The following ITPR2 variants were observed in gnomAD, a reference collection of about 807,000 sequenced individuals.
The protein encoded by ITPR2 is inositol 1,4,5-trisphosphate-gated calcium channel ITPR2.
Under a neutral mutation model 317.1 loss-of-function variants are expected in ITPR2, and 207 were observed. The observed-to-expected ratio is 0.65, with a 90% CI of 0.58 to 0.73. ITPR2 has a LOEUF of 0.73. ITPR2 is among the 30% of genes least tolerant of loss of function. ITPR2 has a pLI of 0.00. For missense variants in ITPR2, 2,613 were observed against 3,284.0 expected, an observed-to-expected ratio of 0.80 and a Z score of 4.99; for synonymous variants, 1,156 against 1,149.1, an observed-to-expected ratio of 1.01 and a Z score of -0.12.
At chr12:26,482,101 A>T (rs1942555640) in intron 42 of ITPR2, among the ~76,000 whole-genome samples, 1 of 152,222 alleles carries the variant, frequency 6.6e-6, no homozygotes, top group South Asian at 2.1e-4. Context: ...CTTCAAAATG[A>T]CTGCTTTTTC....
intron 16 of ITPR2, 40 bp downstream of exon 16, chr12:26,659,073 A>C: frequency 6.6e-7 from 1 of 1,514,844 alleles, no homozygotes; most frequent in Non-Finnish European, 9.0e-7. Context: ...TAAAGCCGCA[A>C]TCTCCACTAG....
intron 22 of ITPR2, 44 bp downstream of exon 22, chr12:26,631,822 G>A: frequency 6.4e-7 from 1 of 1,555,026 alleles, no homozygotes; most frequent in South Asian, 1.1e-5. Flanking sequence ...AAATCAATAA[G>A]CAAAATTACA....
intron 2 of ITPR2, among the ~76,000 whole-genome samples, chr12:26,787,733 G>A (rs976767350): frequency 6.6e-6 from 1 of 152,136 alleles, no homozygotes; most frequent in African/African-American, 2.4e-5. Flanking sequence ...AAGTTTGAGT[G>A]TCTCATCCAA....
chr12:26,688,614 G>GAGGGGAGC (rs1030636774), intron 10 of ITPR2, among the ~76,000 whole-genome samples: 3 of 152,168 alleles, frequency 2.0e-5, no homozygotes, highest in African/African-American at 7.2e-5. Flanking sequence ...TAGAGAACAA[G>GAGGGGAGC]AGGGGAGCAG....
chr12:26,718,348 A>G (rs1736531954), intron 5 of ITPR2, among the ~76,000 whole-genome samples: 1 of 152,128 alleles, frequency 6.6e-6, no homozygotes, highest in Non-Finnish European at 1.5e-5. Context: ...CCAATAAGTT[A>G]CTAAATATAA....
chr12:26,662,836 G>GT (rs1396932126), intron 15 of ITPR2, among the ~76,000 whole-genome samples: 1 of 151,834 alleles, frequency 6.6e-6, no homozygotes, highest in Non-Finnish European at 1.5e-5. Flanking sequence ...CCACACCCAG[G>GT]TATTTTTCGT....
chr12:26,436,992 A>T (rs558086896), intron 47 of ITPR2, among the ~76,000 whole-genome samples: 30 of 152,194 alleles, frequency 2.0e-4, no homozygotes, highest in Non-Finnish European at 4.3e-4. Flanking sequence ...AATAAGTGGA[A>T]CACGCTTTGC....
intron 10 of ITPR2, among the ~76,000 whole-genome samples, chr12:26,693,782 C>T (rs139114446): frequency 1.1e-3 from 160 of 152,278 alleles, no homozygotes; most frequent in African/African-American, 3.7e-3. Flanking sequence ...AAAGGAGATG[C>T]GCACAGAGAT....
chr12:26,344,379 A>C (rs1054165398), intron 55 of ITPR2, among the ~76,000 whole-genome samples: 1 of 152,170 alleles, frequency 6.6e-6, no homozygotes, highest in Non-Finnish European at 1.5e-5. Flanking sequence ...GGCTTGGGGT[A>C]AGAAGGTACC....
Position 26,737,278 on chromosome 12 carries a change from A to T in ITPR2, c.164-11513T>A, listed in dbSNP as rs1409666816. ...TTTCTTTCTTTCTTTCTTTTTTTTA[A>T]TACGGAGCCTCGCTCTGTCACCCAG... is the stretch of plus-strand genomic sequence containing the variant. On this transcript the variant is annotated intron_variant, in intron 2 of 56. Coordinates refer to ENST00000381340, the MANE Select transcript of ITPR2 (RefSeq NM_002223.4). Among the ~76,000 whole-genome samples, 4 of 150,242 alleles carry T rather than the reference A, an allele frequency of 2.7e-5. No homozygotes were observed. The East Asian group carries it at 7.8e-4, about 29-fold the overall frequency.
At chr12:26,363,085 A>C (rs2136582729) in intron 55 of ITPR2, among the ~76,000 whole-genome samples, 1 of 152,338 alleles carries the variant, frequency 6.6e-6, no homozygotes, top group East Asian at 1.9e-4. Flanking sequence ...AGTGAGTGGT[A>C]GATGAGTGAG....
At chr12:26,692,532 G>A (rs552813032) in intron 10 of ITPR2, among the ~76,000 whole-genome samples, 1 of 152,196 alleles carries the variant, frequency 6.6e-6, no homozygotes, top group African/African-American at 2.4e-5. Flanking sequence ...CATCTGAAAA[G>A]ATGCAGCTTT....
intron 22 of ITPR2, among the ~76,000 whole-genome samples, chr12:26,628,479 T>C (rs1262562195): frequency 2.6e-5 from 4 of 152,186 alleles, no homozygotes; most frequent in Admixed American, 2.6e-4. Flanking sequence ...TTACTGAACA[T>C]TTTACAGAGT....
At chr12:26,781,364 T>C (rs1292926324) in intron 2 of ITPR2, among the ~76,000 whole-genome samples, 1 of 135,678 alleles carries the variant, frequency 7.4e-6, no homozygotes. Flanking sequence ...CATGTACATA[T>C]ATGCATAAAC....
chr12:26,617,785 A>G (rs1049243116), intron 26 of ITPR2, among the ~76,000 whole-genome samples: 4 of 151,152 alleles, frequency 2.6e-5, no homozygotes, highest in Non-Finnish European at 5.9e-5. Flanking sequence ...GGAGGGAAGG[A>G]AAGAGGAAAG....
intron 2 of ITPR2, among the ~76,000 whole-genome samples, chr12:26,774,135 G>T (rs1386759565): frequency 1.3e-5 from 2 of 151,864 alleles, no homozygotes; most frequent in African/African-American, 2.4e-5. Flanking sequence ...TTTGTCTTCT[G>T]TTATTTAAAC....
At chr12:26,344,770 C>T (rs995377835) in intron 55 of ITPR2, among the ~76,000 whole-genome samples, 7 of 152,342 alleles carry the variant, frequency 4.6e-5, no homozygotes, top group South Asian at 2.1e-4. Context: ...GCACAATTCT[C>T]GTGCTTATGG....
intron 34 of ITPR2, among the ~76,000 whole-genome samples, chr12:26,571,658 C>G (rs1455938967): frequency 6.6e-6 from 1 of 152,220 alleles, no homozygotes; most frequent in Non-Finnish European, 1.5e-5. Context: ...GGATTCAGAT[C>G]CTGGCTCAGG....
rs759550231 is a variant in ITPR2 at position 26,649,222 on chromosome 12, ACACT to A, written c.2740+4750_2740+4753del. ...CACACCCACACACACACACACACACACACTCACACACACACATCTTTCCTGCTCT... is the reference window on the plus strand; with the variant it reads ...CACACCCACACACACACACACACACACACACACACACATCTTTCCTGCTCT... On this transcript the variant is annotated intron_variant, in intron 21 of 56. Coordinates refer to ENST00000381340, the MANE Select transcript of ITPR2 (RefSeq NM_002223.4). The A allele has an allele frequency of 9.0e-3, 1,361 of 151,672 alleles. 14 individuals carry two copies. Among genetic ancestry groups the A allele is most frequent in the Non-Finnish European group, 0.014 (948 of 67,878 alleles). The allele number at this position is 151,672 out of a possible 1,614,324, so 9.4% of individuals were successfully genotyped here.
Sources: gnomAD v4.1 joint callset for allele counts (sites outside exome capture counted in the v4.1 genomes callset) on GRCh38, gnomAD v4.1.1 for gene constraint, MANE v1.5 for transcripts, NCBI Gene and HGNC (gene_info 2026-07-23, HGNC 2026-07-21) for gene names.